The following ADGRL2 variants were observed in gnomAD, a reference collection of about 807,000 sequenced individuals.
The protein encoded by ADGRL2 is calcium-independent alpha-latrotoxin receptor 2.
Under a neutral mutation model 157.4 loss-of-function variants are expected in ADGRL2, and 44 were observed. That is an observed-to-expected ratio of 0.28 (90% CI 0.22 to 0.36). The LOEUF (loss-of-function observed/expected upper bound fraction) is 0.36, where lower values mean the gene tolerates loss of function less well. Ranked by LOEUF, ADGRL2 falls within the 10% of genes least tolerant of loss-of-function variation. The probability of loss-of-function intolerance (pLI) is 1.00; values close to 1 mark genes in which losing one functional copy is unlikely to be tolerated. For synonymous variants in ADGRL2, 585 were observed against 624.7 expected, an observed-to-expected ratio of 0.94 and a Z score of 0.95; for missense variants, 1,510 against 1,768.9, an observed-to-expected ratio of 0.85 and a Z score of 2.63.
At chr1:81,407,507 A>G (rs890161904) in intron 1 of ADGRL2, among the ~76,000 whole-genome samples, 6 of 152,238 alleles carry the variant, frequency 3.9e-5, no homozygotes, top group Non-Finnish European at 8.8e-5. Flanking sequence ...AGAAAATGAA[A>G]TGGTTCAAGC....
chr1:81,834,499 T>G (rs953206225), intron 1 of ADGRL2, among the ~76,000 whole-genome samples: 4 of 152,168 alleles, frequency 2.6e-5, no homozygotes, highest in African/African-American at 9.7e-5. Flanking sequence ...CGTTCTATTC[T>G]TAGCTGATTG....
At chr1:81,765,081 T>C (rs1395607916) in intron 2 of ADGRL2, among the ~76,000 whole-genome samples, 3 of 152,030 alleles carry the variant, frequency 2.0e-5, no homozygotes, top group Non-Finnish European at 2.9e-5. Flanking sequence ...AAATTTAACC[T>C]TAATTTTTTC....
chr1:81,490,887 T>A (rs905726554), intron 2 of ADGRL2, among the ~76,000 whole-genome samples: 6 of 152,300 alleles, frequency 3.9e-5, no homozygotes, highest in Admixed American at 6.5e-5. Flanking sequence ...AGCAACACAA[T>A]GCCCACCAAC....
At chr1:81,563,744 A>G (rs1389018809) in intron 2 of ADGRL2, among the ~76,000 whole-genome samples, 2 of 152,212 alleles carry the variant, frequency 1.3e-5, no homozygotes, top group Admixed American at 6.5e-5. Flanking sequence ...CAAGAAGCAT[A>G]ACATCTCAAA....
At chr1:81,345,454 C>T (rs1662411968) in intron 1 of ADGRL2, among the ~76,000 whole-genome samples, 1 of 152,232 alleles carries the variant, frequency 6.6e-6, no homozygotes, top group Non-Finnish European at 1.5e-5. Flanking sequence ...TACATTGTCT[C>T]ATCTATTCTT....
intron 2 of ADGRL2, among the ~76,000 whole-genome samples, chr1:81,477,315 T>C (rs887667765): frequency 6.6e-6 from 1 of 152,202 alleles, no homozygotes; most frequent in Non-Finnish European, 1.5e-5. Context: ...CACCTGACTA[T>C]CCTGACAGCC....
At chr1:81,985,233 T>C in intron 20 of ADGRL2, 26 bp from the exon 21 acceptor site, 1 of 1,325,752 alleles carries the variant, frequency 7.5e-7, no homozygotes, top group Non-Finnish European at 1.1e-6. Context: ...ACAAAACATA[T>C]TTGTCTTGCT....
At chr1:81,797,582 A>C (rs908386857), upstream of ADGRL2, among the ~76,000 whole-genome samples, 2 of 152,144 alleles carry the variant, frequency 1.3e-5, no homozygotes, top group Non-Finnish European at 2.9e-5. Flanking sequence ...AATATTCTGC[A>C]CCTATGTCCA....
At chr1:81,778,030 C>G (rs929504134) in intron 2 of ADGRL2, among the ~76,000 whole-genome samples, 1 of 151,658 alleles carries the variant, frequency 6.6e-6, no homozygotes, top group Non-Finnish European at 1.5e-5. Context: ...CATAAAAATA[C>G]TATGCCTAGG....
chr1:81,694,287 G>T lies in ADGRL2; in HGVS notation c.-142-67524G>T, dbSNP rs190303935. ...CCAGATTCTACCTGAATTCAATCTT[G>T]GTTCAATTATTTGCTAGCAGTGTGA... On this transcript the variant is annotated intron_variant, in intron 3 of 24. Transcript: ENST00000370721. Among the ~76,000 whole-genome samples the T allele has an allele frequency of 2.5e-3, 384 of 152,080 alleles. 6 individuals carry two copies. Among genetic ancestry groups the T allele is most frequent in the East Asian group, 4.4e-3 (23 of 5,174 alleles).
intron 1 of ADGRL2, among the ~76,000 whole-genome samples, chr1:81,415,497 A>G (rs2077017098): frequency 6.6e-6 from 1 of 152,210 alleles, no homozygotes; most frequent in Non-Finnish European, 1.5e-5. Context: ...GGGTCCCTAA[A>G]AAAAGATACG....
At chr1:81,359,923 T>C (rs909359280) in intron 1 of ADGRL2, among the ~76,000 whole-genome samples, 1 of 151,996 alleles carries the variant, frequency 6.6e-6, no homozygotes, top group Non-Finnish European at 1.5e-5. Flanking sequence ...ACTTTCAAAA[T>C]GCCTCCAGAA....
chr1:81,723,497 A>T (rs1481580394), intron 1 of ADGRL2, among the ~76,000 whole-genome samples: 1 of 152,150 alleles, frequency 6.6e-6, no homozygotes. Flanking sequence ...CCTTTGAATT[A>T]TTGGGCAGGG....
intron 11 of ADGRL2, among the ~76,000 whole-genome samples, chr1:81,960,272 T>A (rs2026597): frequency 0.62 from 93,972 of 151,954 alleles, 29,399 homozygotes; most frequent in East Asian, 0.74. Context: ...CCTGGTATGC[T>A]GATGGTTAGA....
chr1:81,376,317 A>T (rs1167046809), intron 1 of ADGRL2, among the ~76,000 whole-genome samples: 1 of 152,170 alleles, frequency 6.6e-6, no homozygotes, highest in African/African-American at 2.4e-5. Context: ...GGAACAGCAG[A>T]GTGCTGCCAA....
At chr1:81,569,486 A>T (rs1031219538) in intron 2 of ADGRL2, among the ~76,000 whole-genome samples, 1 of 152,188 alleles carries the variant, frequency 6.6e-6, no homozygotes, top group African/African-American at 2.4e-5. Flanking sequence ...GTTCTGGCTC[A>T]AGGTCTCTTA....
At chr1:81,381,931 G>A (rs2076351635) in intron 1 of ADGRL2, among the ~76,000 whole-genome samples, 1 of 152,086 alleles carries the variant, frequency 6.6e-6, no homozygotes, top group Admixed American at 6.5e-5. Flanking sequence ...AGCTTGCCTG[G>A]CCTGATTTTT....
intron 2 of ADGRL2, among the ~76,000 whole-genome samples, chr1:81,481,493 C>G (rs942675262): frequency 6.6e-6 from 1 of 152,172 alleles, no homozygotes; most frequent in East Asian, 1.9e-4. Flanking sequence ...AGCTCCCAGG[C>G]AGGTGGGCAA....
At chr1:81,827,825 A>G (rs925425310) in intron 1 of ADGRL2, among the ~76,000 whole-genome samples, 6 of 152,180 alleles carry the variant, frequency 3.9e-5, no homozygotes, top group African/African-American at 1.2e-4. Flanking sequence ...TCGGACTCCC[A>G]AAGTGCTAGG....
Sources: allele counts gnomAD v4.1 joint callset (sites outside exome capture counted in the v4.1 genomes callset), GRCh38; gene constraint gnomAD v4.1.1; transcripts MANE v1.5; gene names NCBI Gene and HGNC (gene_info 2026-07-23, HGNC 2026-07-21).